GREB1L: variants seen among roughly 807,000 people sequenced by gnomAD.
GREB1L encodes GREB1-like protein.
A neutral mutation model predicts 200.8 loss-of-function variants in GREB1L; 17 were observed. The observed-to-expected ratio is 0.08, with a 90% CI of 0.06 to 0.13. The LOEUF is 0.13. Ranked by LOEUF, GREB1L falls within the 10% of genes least tolerant of loss-of-function variation. The pLI is 1.00. For synonymous variants in GREB1L, 789 were observed against 893.0 expected, an observed-to-expected ratio of 0.88 and a Z score of 2.08; for missense variants, 1,657 against 2,367.7, an observed-to-expected ratio of 0.70 and a Z score of 6.23.
intron 2 of GREB1L, among the ~76,000 whole-genome samples, chr18:21,373,075 T>C (rs2039942565): frequency 6.6e-6 from 1 of 152,162 alleles, no homozygotes; most frequent in Non-Finnish European, 1.5e-5. Flanking sequence ...ACTAAATTCA[T>C]GATACCCTTT....
chr18:21,377,211 C>T (rs1247614293), intron 2 of GREB1L, among the ~76,000 whole-genome samples: 1 of 151,600 alleles, frequency 6.6e-6, no homozygotes, highest in Non-Finnish European at 1.5e-5. Context: ...GTGGGTAAAA[C>T]AGGCAGCCTC....
At chr18:21,248,829 A>G (rs1409687650) in intron 1 of GREB1L, among the ~76,000 whole-genome samples, 2 of 152,212 alleles carry the variant, frequency 1.3e-5, no homozygotes, top group Non-Finnish European at 1.5e-5. Flanking sequence ...CAAGCACTCA[A>G]TAGCTGCTCA....
At chr18:21,503,731 C>A (rs2036898334) in intron 23 of GREB1L, among the ~76,000 whole-genome samples, 1 of 151,942 alleles carries the variant, frequency 6.6e-6, no homozygotes, top group South Asian at 2.1e-4. Flanking sequence ...CATGCACCAC[C>A]ACACCCAGCT....
chr18:21,426,662 A>G (rs1313268773), intron 7 of GREB1L, among the ~76,000 whole-genome samples: 1 of 152,070 alleles, frequency 6.6e-6, no homozygotes, highest in Non-Finnish European at 1.5e-5. Context: ...TTTCTTTTTC[A>G]AGATTGTTTT....
At chr18:21,492,561 C>T (rs2036384505) in intron 19 of GREB1L, among the ~76,000 whole-genome samples, 1 of 152,140 alleles carries the variant, frequency 6.6e-6, no homozygotes, top group Non-Finnish European at 1.5e-5. Flanking sequence ...ATAAATCAGT[C>T]TGTCCTAAAT....
intron 1 of GREB1L, among the ~76,000 whole-genome samples, chr18:21,253,249 ATTT>A (rs66924517): frequency 0.013 from 1,691 of 127,070 alleles, 31 homozygotes; most frequent in African/African-American, 0.047. Context: ...TATTTCAAGA[ATTT>A]TTTTTTTTTT....
intron 7 of GREB1L, among the ~76,000 whole-genome samples, chr18:21,409,628 C>G (rs763594023): frequency 2.0e-5 from 3 of 152,118 alleles, no homozygotes; most frequent in Non-Finnish European, 4.4e-5. Context: ...TTAATACAAT[C>G]TAATTTATTG....
intron 1 of GREB1L, among the ~76,000 whole-genome samples, chr18:21,328,331 G>A (rs2039056058): frequency 6.6e-6 from 1 of 152,254 alleles, no homozygotes; most frequent in Non-Finnish European, 1.5e-5. Flanking sequence ...GCATTGAATC[G>A]AGTGAAATAA....
intron 1 of GREB1L, among the ~76,000 whole-genome samples, chr18:21,267,189 CT>C (rs751150056): frequency 0.022 from 2,369 of 108,746 alleles, 14 homozygotes; most frequent in Non-Finnish European, 0.031. Flanking sequence ...GCCTCGGCCG[CT>C]TTTTTTTTTT....
intron 1 of GREB1L, among the ~76,000 whole-genome samples, chr18:21,333,457 CTGAGGTT>C (rs2039137098): frequency 2.0e-5 from 3 of 151,676 alleles, no homozygotes. Flanking sequence ...GACGGATCAC[CTGAGGTT>C]GGGAGTTTGA....
At position 21,451,140 on chromosome 18, in the gene GREB1L, CCA is replaced by C. The variant is rs1598862508; in HGVS notation, c.1841_1842del (p.Thr614IlefsTer5). The C allele has an allele frequency of 3.9e-6, 6 of 1,551,612 alleles. No homozygotes were observed. The highest frequency in any genetic ancestry group is 5.2e-6 in the Non-Finnish European group (6 of 1,146,916). ...AGTTTCCTGGCATCACATTTCAAAA[CCA>C]CATCATTAGGTGAGTGGTTGTAAGA... On this transcript the variant is annotated frameshift_variant, in exon 13 of 33. Transcript: ENST00000424526. LOFTEE classifies it high-confidence loss of function.
At chr18:21,289,690 G>A (rs1450355256) in intron 1 of GREB1L, among the ~76,000 whole-genome samples, 1 of 152,208 alleles carries the variant, frequency 6.6e-6, no homozygotes, top group Non-Finnish European at 1.5e-5. Context: ...ATTTAGCATA[G>A]GAAGGGAAAC....
At chr18:21,436,532 G>T (rs1309185894) in intron 7 of GREB1L, among the ~76,000 whole-genome samples, 1 of 152,076 alleles carries the variant, frequency 6.6e-6, no homozygotes, top group African/African-American at 2.4e-5. Flanking sequence ...TACACAGGAG[G>T]CTGAGGCGGG....
intron 1 of GREB1L, among the ~76,000 whole-genome samples, chr18:21,246,044 G>A (rs1008981478): frequency 1.3e-5 from 2 of 152,156 alleles, no homozygotes; most frequent in African/African-American, 4.8e-5. Context: ...TCTTATACAT[G>A]TAACTTTATT....
rs573589475 is a variant in GREB1L, at chr18:21,431,727, C to G, written c.833-7794C>G. Reference sequence around the variant, plus strand: ...AAAGTGGGGTATTGAAGTACCCAACCCTTGTTATTAAATAGCTGTTTCTCC... The same window carrying G: ...AAAGTGGGGTATTGAAGTACCCAACGCTTGTTATTAAATAGCTGTTTCTCC... On this transcript the variant is annotated intron_variant, in intron 7 of 32. Transcript: ENST00000424526. Among the ~76,000 whole-genome samples, 12 of 151,960 alleles carry G rather than the reference C, an allele frequency of 7.9e-5. No individual in the cohort carries two copies. The East Asian group carries it at 2.1e-3, about 27-fold the overall frequency.
Position 21,450,985 on chromosome 18 carries a change from C to G in GREB1L, c.1721-38C>G, listed in dbSNP as rs762637814. On this transcript the variant is annotated intron_variant, in intron 12 of 32. Transcript: ENST00000424526. ...AAGTAATGTTCCAGCAACATTTGTT[C>G]TGTTGATGAGTCTTCTCTTCTCTCC... The G allele has an allele frequency of 4.6e-5, 70 of 1,535,892 alleles. 1 individual carries two copies. In the South Asian group the frequency reaches 5.6e-4, roughly 12 times the overall value.
intron 17 of GREB1L, among the ~76,000 whole-genome samples, chr18:21,481,473 GTGTGTATATA>G (rs1239454793): frequency 1.4e-5 from 2 of 140,078 alleles, no homozygotes; most frequent in African/African-American, 5.6e-5. Context: ...GTGTGTGTGT[GTGTGTATATA>G]TATATATATA....
intron 27 of GREB1L, among the ~76,000 whole-genome samples, chr18:21,512,698 T>C (rs2037284254): frequency 6.6e-6 from 1 of 152,008 alleles, no homozygotes; most frequent in Non-Finnish European, 1.5e-5. Flanking sequence ...TTATGTTAAA[T>C]AGAAATGGTA....
chr18:21,521,148 G>A (rs1283631770), intron 32 of GREB1L, among the ~76,000 whole-genome samples: 1 of 152,160 alleles, frequency 6.6e-6, no homozygotes, highest in East Asian at 1.9e-4. Flanking sequence ...AGTGAGCTGA[G>A]ATCACGCCAC....
Sources: allele counts gnomAD v4.1 joint callset (sites outside exome capture counted in the v4.1 genomes callset), GRCh38; gene constraint gnomAD v4.1.1; transcripts MANE v1.5; gene names NCBI Gene and HGNC (gene_info 2026-07-23, HGNC 2026-07-21).